The following DAPK1 variants were observed in gnomAD, a reference collection of about 807,000 sequenced individuals.
The protein encoded by DAPK1 is death associated protein kinase 1, also known as death-associated protein kinase 1.
Under a neutral mutation model 144.9 loss-of-function variants are expected in DAPK1, and 56 were observed. The observed-to-expected ratio is 0.39, with a 90% CI of 0.31 to 0.48. The LOEUF is 0.48. DAPK1 is among the 20% of genes least tolerant of loss of function. DAPK1 has a pLI of 0.95. For missense variants in DAPK1, 1,454 were observed against 1,875.4 expected, an observed-to-expected ratio of 0.78 and a Z score of 4.15; for synonymous variants, 690 against 749.0, an observed-to-expected ratio of 0.92 and a Z score of 1.29.
chr9:87,527,835 A>G (rs540221144), intron 2 of DAPK1, among the ~76,000 whole-genome samples: 34 of 152,344 alleles, frequency 2.2e-4, no homozygotes, highest in African/African-American at 6.0e-4. Flanking sequence ...AAGCACACAC[A>G]TTAAGCCAGG....
chr9:87,659,439 G>T (rs1830752509), intron 18 of DAPK1, among the ~76,000 whole-genome samples: 1 of 152,154 alleles, frequency 6.6e-6, no homozygotes, highest in Admixed American at 6.5e-5. Flanking sequence ...CTCCCTAATA[G>T]AGCATTTATA....
At chr9:87,541,548 GGAA>G in intron 2 of DAPK1, among the ~76,000 whole-genome samples, 1 of 107,098 alleles carries the variant, frequency 9.3e-6, no homozygotes, top group African/African-American at 3.5e-5. Context: ...GACTCTGTCT[GGAA>G]AAAAAAAAAA....
Position 87,571,470 on chromosome 9 carries a change from C to CCCCA in DAPK1, c.63-33484_63-33483insCCCA, listed in dbSNP as rs1564000778. ...ACACACACACACACACACACACACA[C>CCCCA]ACACCAACACACACACACACACACC... On this transcript the variant is annotated intron_variant, in intron 2 of 25. Coordinates refer to ENST00000408954, the MANE Select transcript of DAPK1 (RefSeq NM_004938.4). 6.8e-3 allele frequency among the ~76,000 whole-genome samples: 364 copies of CCCCA among 53,570 alleles called. 15 individuals are homozygous for CCCCA. The highest frequency in any genetic ancestry group is 0.018 in the East Asian group (28 of 1,592). The allele number at this position is 53,570 out of a possible 152,430, so 35.1% of individuals were successfully genotyped here.
At chr9:87,555,629 G>A (rs10868629) in intron 2 of DAPK1, among the ~76,000 whole-genome samples, 51,301 of 151,702 alleles carry the variant, frequency 0.34, 8,923 homozygotes, top group Middle Eastern at 0.51. Flanking sequence ...TCAGCCTCCC[G>A]AGTAGCTGGG....
At chr9:87,635,588 A>G (rs914312856) in intron 3 of DAPK1, among the ~76,000 whole-genome samples, 1 of 152,182 alleles carries the variant, frequency 6.6e-6, no homozygotes, top group Admixed American at 6.5e-5. Flanking sequence ...TGGATCCTGT[A>G]GGAAGCAGTG....
chr9:87,589,344 T>A (rs1323333804), intron 2 of DAPK1, among the ~76,000 whole-genome samples: 1 of 152,164 alleles, frequency 6.6e-6, no homozygotes, highest in Non-Finnish European at 1.5e-5. Flanking sequence ...ACAGTTCTCA[T>A]GCCCAGAAGC....
intron 2 of DAPK1, among the ~76,000 whole-genome samples, chr9:87,557,370 G>A (rs1354319030): frequency 6.6e-6 from 1 of 152,170 alleles, no homozygotes; most frequent in Non-Finnish European, 1.5e-5. Context: ...TTCACCCACT[G>A]CCTTCCTCGT....
rs1825358542 is a variant in DAPK1, at chr9:87,698,790, A to G, written c.2746A>G (p.Asn916Asp). ...CACATCGTTGCTGAAAGAGATTAGGAACAGGTGAGGGGCAGCCACTTAGTC... is the reference window on the plus strand; with the variant it reads ...CACATCGTTGCTGAAAGAGATTAGGGACAGGTGAGGGGCAGCCACTTAGTC... ...KDTSLLKEIR[N>D]RFGNDLHISN... The change falls in exon 23 of 26, where the codon AAC becomes GAC. Residue 916 changes from asparagine to aspartate, a missense_variant. Around this residue, in one of 2 missense-constraint regions of DAPK1, gnomAD observed 1,025 missense variants for 1,237.9 expected, o/e 0.83. Transcript: ENST00000408954. 1 of 1,603,770 alleles carries G rather than the reference A, an allele frequency of 6.2e-7. No homozygotes were observed. The highest frequency in any genetic ancestry group is 1.7e-5 in the Admixed American group (1 of 59,964).
chr9:87,513,808 C>T (rs1028820541), intron 2 of DAPK1, among the ~76,000 whole-genome samples: 3 of 152,150 alleles, frequency 2.0e-5, no homozygotes, highest in African/African-American at 4.8e-5. Context: ...CTGGCTCATA[C>T]GATGTGTTCA....
intron 17 of DAPK1, among the ~76,000 whole-genome samples, chr9:87,654,627 C>T (rs549155707): frequency 6.6e-6 from 1 of 152,256 alleles, no homozygotes; most frequent in East Asian, 1.9e-4. Context: ...AGGGGAAAGC[C>T]AAGTGTAATA....
intron 3 of DAPK1, among the ~76,000 whole-genome samples, chr9:87,607,128 C>T (rs1036416926): frequency 1.3e-5 from 2 of 151,954 alleles, no homozygotes; most frequent in African/African-American, 4.8e-5. Context: ...AGATTAAGGA[C>T]TTGCTTAGGG....
At chr9:87,533,180 C>T (rs756917053) in intron 2 of DAPK1, among the ~76,000 whole-genome samples, 35 of 151,990 alleles carry the variant, frequency 2.3e-4, no homozygotes, top group African/African-American at 7.0e-4. Context: ...TATACACATG[C>T]GTGTGTGTGG....
chr9:87,636,587 C>T (rs1390437382), intron 3 of DAPK1, among the ~76,000 whole-genome samples: 1 of 152,158 alleles, frequency 6.6e-6, no homozygotes, highest in Non-Finnish European at 1.5e-5. Context: ...CTAAGGAAAA[C>T]ACTGACCTGG....
At chr9:87,560,956 G>T (rs936548045) in intron 2 of DAPK1, among the ~76,000 whole-genome samples, 5 of 151,986 alleles carry the variant, frequency 3.3e-5, no homozygotes, top group African/African-American at 1.2e-4. Context: ...GTGAGCCACC[G>T]CGCCTGGCTA....
intron 2 of DAPK1, among the ~76,000 whole-genome samples, chr9:87,534,119 T>A (rs10713180): frequency 2.8e-5 from 4 of 145,416 alleles, no homozygotes; most frequent in South Asian, 4.4e-4. Context: ...TTTTTTTTTT[T>A]AATTTTGCAA....
At chr9:87,525,479 A>G (rs879184341) in intron 2 of DAPK1, 1 of 1,505,056 alleles carries the variant, frequency 6.6e-7, no homozygotes, top group Non-Finnish European at 9.2e-7. Context: ...GGACTAAATG[A>G]TCTTCCTTCA....
At chr9:87,630,722 C>T (rs921654288) in intron 3 of DAPK1, among the ~76,000 whole-genome samples, 2 of 152,174 alleles carry the variant, frequency 1.3e-5, no homozygotes, top group African/African-American at 2.4e-5. Context: ...AACCGAGGCT[C>T]TGCCACATCT....
At chr9:87,509,511 C>T (rs548586087) in intron 2 of DAPK1, among the ~76,000 whole-genome samples, 6 of 152,292 alleles carry the variant, frequency 3.9e-5, no homozygotes, top group Admixed American at 3.9e-4. Flanking sequence ...CAGGCATGCA[C>T]CACCACGCCC....
At chr9:87,660,389 TG>T (rs1830800632) in intron 18 of DAPK1, among the ~76,000 whole-genome samples, 1 of 152,106 alleles carries the variant, frequency 6.6e-6, no homozygotes, top group Non-Finnish European at 1.5e-5. Flanking sequence ...AGCAGCCACA[TG>T]GAAGAAGGAA....
Sources: gnomAD v4.1 joint callset for allele counts (sites outside exome capture counted in the v4.1 genomes callset) on GRCh38, gnomAD v4.1.1 for gene constraint, gnomAD v4.1.1 regional missense constraint, MANE v1.5 for transcripts, NCBI Gene and HGNC (gene_info 2026-07-23, HGNC 2026-07-21) for gene names.